VPS54: variants seen among roughly 807,000 people sequenced by gnomAD.
VPS54 encodes VPS54 subunit of GARP complex, also known as vacuolar protein sorting-associated protein 54.
Under a neutral mutation model 121.5 loss-of-function variants are expected in VPS54, and 45 were observed. That is an observed-to-expected ratio of 0.37 (90% CI 0.29 to 0.47). The LOEUF is 0.47. Ranked by LOEUF, VPS54 falls within the 20% of genes least tolerant of loss-of-function variation. VPS54 has a pLI of 0.99. For synonymous variants in VPS54, 371 were observed against 385.8 expected (o/e 0.96, Z 0.45); for missense variants, 1,090 against 1,131.4 (o/e 0.96, Z 0.52).
At chr2:64,015,912 G>T (rs1243387435) in intron 1 of VPS54, among the ~76,000 whole-genome samples, 4 of 152,148 alleles carry the variant, frequency 2.6e-5, no homozygotes, top group South Asian at 4.1e-4. Context: ...AAAGTTGGGG[G>T]AATGTCCAGT....
rs1382023214 is a variant in VPS54 at position 63,962,450 on chromosome 2, A to C, written c.625-7T>G. 2 of 1,595,424 alleles carry C rather than the reference A, an allele frequency of 1.3e-6. No individual in the cohort carries two copies. Among genetic ancestry groups the C allele is most frequent in the Admixed American group, 3.5e-5 (2 of 57,072 alleles). On this transcript the variant is annotated splice_polypyrimidine_tract_variant and splice_region_variant and intron_variant, in intron 6 of 22. Coordinates refer to ENST00000272322, the MANE Select transcript of VPS54 (RefSeq NM_016516.3). ...TATCCAGATAATGGCTCAGCTTAAAAGAGAAGGAAAAAAAATATGAAGTAC... is the reference window on the plus strand; with the variant it reads ...TATCCAGATAATGGCTCAGCTTAAACGAGAAGGAAAAAAAATATGAAGTAC...
chr2:63,902,471 A>AAGAGGCAT (rs1253236891), intron 20 of VPS54, among the ~76,000 whole-genome samples: 1 of 152,188 alleles, frequency 6.6e-6, no homozygotes, highest in Non-Finnish European at 1.5e-5. Context: ...AGCCTGACAG[A>AAGAGGCAT]AGAGGCATGT....
At chr2:63,944,930 C>T (rs1239662951) in intron 9 of VPS54, among the ~76,000 whole-genome samples, 2 of 152,156 alleles carry the variant, frequency 1.3e-5, no homozygotes, top group Non-Finnish European at 2.9e-5. Context: ...CACTTATACA[C>T]TGCTGATGGG....
At chr2:63,900,121 G>A (rs951715639) in intron 20 of VPS54, among the ~76,000 whole-genome samples, 2 of 150,136 alleles carry the variant, frequency 1.3e-5, no homozygotes, top group African/African-American at 4.9e-5. Flanking sequence ...TCAGGAGGCT[G>A]AGACAGGAGA....
At chr2:63,991,085 A>G (rs1677295730) in intron 1 of VPS54, among the ~76,000 whole-genome samples, 1 of 152,198 alleles carries the variant, frequency 6.6e-6, no homozygotes, top group Non-Finnish European at 1.5e-5. Context: ...ACAGGCTCCG[A>G]TAGTTTCTCT....
At chr2:63,981,957 G>A (rs1676820388) in intron 2 of VPS54, 70 bp from the exon 3 acceptor site, 1 of 1,477,026 alleles carries the variant, frequency 6.8e-7, no homozygotes, top group Admixed American at 2.3e-5. Flanking sequence ...GTACACACTA[G>A]AAAACTAAAA....
At chr2:64,000,973 C>T (rs1677845516) in intron 1 of VPS54, among the ~76,000 whole-genome samples, 1 of 152,196 alleles carries the variant, frequency 6.6e-6, no homozygotes, top group Non-Finnish European at 1.5e-5. Context: ...ACAGCAAGTG[C>T]CCCCAAGTCC....
intron 1 of VPS54, among the ~76,000 whole-genome samples, chr2:63,984,814 C>G (rs1308837711): frequency 6.6e-6 from 1 of 152,110 alleles, no homozygotes; most frequent in Non-Finnish European, 1.5e-5. Context: ...TCAGGTAAGA[C>G]TTTATAAATG....
At chr2:63,908,018 A>G (rs2104421611) in intron 20 of VPS54, among the ~76,000 whole-genome samples, 1 of 152,338 alleles carries the variant, frequency 6.6e-6, no homozygotes, top group South Asian at 2.1e-4. Context: ...TAAAGTTACC[A>G]TAAAATTTTA....
At chr2:63,909,941 G>A (rs1164418238) in intron 20 of VPS54, among the ~76,000 whole-genome samples, 1 of 151,758 alleles carries the variant, frequency 6.6e-6, no homozygotes. Context: ...TGGCCAAGCT[G>A]GTCTTGAACT....
At chr2:63,939,917 C>G (rs1239106690) in intron 11 of VPS54, among the ~76,000 whole-genome samples, 1 of 152,016 alleles carries the variant, frequency 6.6e-6, no homozygotes, top group African/African-American at 2.4e-5. Flanking sequence ...ACCAACACGC[C>G]CAGCTAATTT....
chr2:63,959,637 A>G (rs1346981913), intron 7 of VPS54, among the ~76,000 whole-genome samples: 2 of 152,230 alleles, frequency 1.3e-5, no homozygotes, highest in Non-Finnish European at 2.9e-5. Context: ...CTGTAATCAC[A>G]GCACTCTGCG....
chr2:63,920,669 AAATT>A (rs776809739), intron 13 of VPS54, 42 bp from the exon 14 acceptor site: 9 of 1,237,732 alleles, frequency 7.3e-6, no homozygotes, highest in Non-Finnish European at 9.5e-6. Context: ...GTGTAACACC[AAATT>A]GAGTTATGAA....
At chr2:63,936,501 C>T (rs1263104684) in intron 11 of VPS54, among the ~76,000 whole-genome samples, 1 of 151,980 alleles carries the variant, frequency 6.6e-6, no homozygotes, top group East Asian at 1.9e-4. Context: ...ATCTGGTAGC[C>T]ATATTGATAA....
At chr2:63,911,330 A>T (rs1336099221) in intron 20 of VPS54, among the ~76,000 whole-genome samples, 2 of 152,234 alleles carry the variant, frequency 1.3e-5, no homozygotes, top group African/African-American at 4.8e-5. Context: ...ACATAAATAC[A>T]AATTCCTTAA....
chr2:63,956,448 A>T (rs1675495090), intron 7 of VPS54, among the ~76,000 whole-genome samples: 1 of 152,192 alleles, frequency 6.6e-6, no homozygotes, highest in Non-Finnish European at 1.5e-5. Context: ...TTTTTACGCC[A>T]AAATCCATTA....
chr2:63,903,280 C>T (rs1227395669), intron 20 of VPS54, among the ~76,000 whole-genome samples: 2 of 152,154 alleles, frequency 1.3e-5, no homozygotes, highest in East Asian at 3.9e-4. Context: ...CAGAAGACAA[C>T]TGAACTGAAT....
At chr2:63,946,251 C>G (rs896103529) in intron 9 of VPS54, among the ~76,000 whole-genome samples, 1 of 152,166 alleles carries the variant, frequency 6.6e-6, no homozygotes, top group Non-Finnish European at 1.5e-5. Flanking sequence ...TTCCACTGTA[C>G]AAATACATCA....
chr2:63,997,311 G>A (rs1677643767), intron 1 of VPS54, among the ~76,000 whole-genome samples: 1 of 152,150 alleles, frequency 6.6e-6, no homozygotes, highest in African/African-American at 2.4e-5. Context: ...GTAGAATTCA[G>A]CAGTGAAGCC....
Sources: gnomAD v4.1 joint callset for allele counts (sites outside exome capture counted in the v4.1 genomes callset) on GRCh38, gnomAD v4.1.1 for gene constraint, MANE v1.5 for transcripts, NCBI Gene and HGNC (gene_info 2026-07-23, HGNC 2026-07-21) for gene names.